Variants in CHRM3 observed in about 807,000 individuals in gnomAD.
CHRM3 encodes the protein cholinergic receptor muscarinic 3.
A neutral mutation model predicts 41.8 loss-of-function variants in CHRM3; 11 were observed. That is an observed-to-expected ratio of 0.26 (90% CI 0.17 to 0.44). The LOEUF is 0.44. Ranked by LOEUF, CHRM3 falls within the 20% of genes least tolerant of loss-of-function variation. The probability of loss-of-function intolerance (pLI) is 1.00; values close to 1 mark genes in which losing one functional copy is unlikely to be tolerated. For synonymous variants in CHRM3, 297 were observed against 301.4 expected, an observed-to-expected ratio of 0.99 and a Z score of 0.15; for missense variants, 571 against 745.4, an observed-to-expected ratio of 0.77 and a Z score of 2.72.
At chr1:239,683,660 G>A (rs1189757368) in intron 5 of CHRM3, among the ~76,000 whole-genome samples, 6 of 152,084 alleles carry the variant, frequency 3.9e-5, no homozygotes, top group East Asian at 1.9e-4. Flanking sequence ...GATAAAATTC[G>A]ACAGCATCTC....
In CHRM3 at chr1:239,908,045, C is replaced by A; in HGVS notation, c.594C>A (p.Val198=). The change falls in exon 7 of 7, where the codon GTC becomes GTA. Residue 198 remains valine (V), a synonymous_variant. Transcript: ENST00000676153. This position sits in a 1 kb window ranked among gnomAD's most constrained non-coding sequence, Gnocchi z 7.2. ...MIGLAWVISF[V]LWAPAILFWQ... ...GTCTGGCTTGGGTCATCTCCTTTGT[C>A]CTTTGGGCTCCTGCCATCTTGTTCT... 6.2e-7 allele frequency: 1 copy of A among 1,614,154 alleles called. No individual in the cohort carries two copies. The highest frequency in any genetic ancestry group is 8.5e-7 in the Non-Finnish European group (1 of 1,180,042).
In CHRM3 at chr1:239,734,700, T is replaced by A. The variant is rs151147779; in HGVS notation, c.-147+56412T>A. ...TGAGAATTTTTCTTATTTTTTAAGT[T>A]GGGATACTGGTATAGTGATTATACA... On this transcript the variant is annotated intron_variant, in intron 5 of 6. Coordinates refer to ENST00000676153, the MANE Select transcript of CHRM3 (RefSeq NM_001375978.1). Among the ~76,000 whole-genome samples the A allele has an allele frequency of 4.2e-3, 639 of 152,250 alleles. 3 individuals carry two copies. The highest frequency in any genetic ancestry group is 0.014 in the Middle Eastern group (4 of 294).
At chr1:239,791,293 C>T (rs1233097772) in intron 5 of CHRM3, among the ~76,000 whole-genome samples, 1 of 152,134 alleles carries the variant, frequency 6.6e-6, no homozygotes, top group Admixed American at 6.6e-5. Context: ...TTAGTAGAGA[C>T]AGGGTTTCAC....
chr1:239,884,128 A>C (rs1677871686), intron 6 of CHRM3, among the ~76,000 whole-genome samples: 1 of 152,248 alleles, frequency 6.6e-6, no homozygotes, highest in Admixed American at 6.5e-5. Flanking sequence ...ATACGACCAC[A>C]TTCTAATCTC....
chr1:239,813,043 G>A (rs532530195), intron 5 of CHRM3, among the ~76,000 whole-genome samples: 2 of 152,310 alleles, frequency 1.3e-5, no homozygotes, highest in East Asian at 3.9e-4. Context: ...ACTTTGGGAG[G>A]CCAAGGCAGG....
intron 5 of CHRM3, among the ~76,000 whole-genome samples, chr1:239,815,144 CTG>C (rs1462773276): frequency 6.6e-6 from 1 of 152,128 alleles, no homozygotes; most frequent in Non-Finnish European, 1.5e-5. Context: ...CAGTTTAGCA[CTG>C]TGTCATGTTA....
intron 6 of CHRM3, among the ~76,000 whole-genome samples, chr1:239,842,024 A>C (rs1030706416): frequency 6.6e-6 from 1 of 152,208 alleles, no homozygotes; most frequent in South Asian, 2.1e-4. Flanking sequence ...TCTGCTCCGC[A>C]TGATACTGAA....
chr1:239,513,482 C>A (rs993354590), intron 2 of CHRM3, among the ~76,000 whole-genome samples: 4 of 151,986 alleles, frequency 2.6e-5, no homozygotes, highest in African/African-American at 9.7e-5. Flanking sequence ...TATTTATTTT[C>A]TTATAGTTGA....
chr1:239,653,256 G>T (rs2148976999), intron 4 of CHRM3, among the ~76,000 whole-genome samples: 1 of 152,248 alleles, frequency 6.6e-6, no homozygotes, highest in Admixed American at 6.5e-5. Flanking sequence ...CTTCTTTCGG[G>T]ATTCTAGCTG....
intron 6 of CHRM3, among the ~76,000 whole-genome samples, chr1:239,894,334 C>T (rs1310928630): frequency 6.6e-6 from 1 of 152,216 alleles, no homozygotes; most frequent in Non-Finnish European, 1.5e-5. Context: ...CAAGTGGATG[C>T]CTTGTGGTGG....
chr1:239,766,180 A>G (rs898292728), intron 5 of CHRM3, among the ~76,000 whole-genome samples: 1 of 152,178 alleles, frequency 6.6e-6, no homozygotes, highest in African/African-American at 2.4e-5. Flanking sequence ...AAGAAATGGC[A>G]TGTCTAAATA....
intron 1 of CHRM3, among the ~76,000 whole-genome samples, chr1:239,459,233 G>A (rs554756163): frequency 1.5e-4 from 23 of 151,744 alleles, no homozygotes; most frequent in African/African-American, 5.3e-4. Context: ...GAAAAATCAA[G>A]TACCTATTTT....
intron 5 of CHRM3, among the ~76,000 whole-genome samples, chr1:239,713,068 G>A (rs1202048197): frequency 2.0e-5 from 3 of 152,078 alleles, no homozygotes; most frequent in East Asian, 1.9e-4. Context: ...CGCTAAGCCC[G>A]GGCACAATCT....
chr1:239,765,394 A>G (rs772608981), intron 5 of CHRM3, among the ~76,000 whole-genome samples: 3 of 152,212 alleles, frequency 2.0e-5, no homozygotes, highest in Non-Finnish European at 2.9e-5. Flanking sequence ...GTTCAGGGTC[A>G]GGCCCGGTTA....
intron 5 of CHRM3, among the ~76,000 whole-genome samples, chr1:239,751,799 G>A (rs1340526894): frequency 5.3e-5 from 8 of 152,114 alleles, no homozygotes; most frequent in African/African-American, 9.7e-5. Flanking sequence ...GATAAGATTC[G>A]TGGTGAATAA....
chr1:239,411,472 A>G (rs930301219), intron 1 of CHRM3, among the ~76,000 whole-genome samples: 3 of 152,118 alleles, frequency 2.0e-5, no homozygotes, highest in African/African-American at 7.2e-5. Flanking sequence ...CATGCCTGTA[A>G]TCCCAGCACT....
At chr1:239,672,525 A>T (rs1455886635) in intron 4 of CHRM3, among the ~76,000 whole-genome samples, 1 of 152,042 alleles carries the variant, frequency 6.6e-6, no homozygotes, top group Non-Finnish European at 1.5e-5. Context: ...ATCAGAGAAG[A>T]TAATCAAATT....
chr1:239,715,337 G>A (rs1225334708), intron 5 of CHRM3, among the ~76,000 whole-genome samples: 1 of 152,086 alleles, frequency 6.6e-6, no homozygotes, highest in African/African-American at 2.4e-5. Flanking sequence ...TTTTGTCAAT[G>A]ATTTTATTTG....
rs1440800412 is a variant in CHRM3, at chr1:239,909,965, A to G, written c.*741A>G. ...ACTTTGGTAACTGAAGTTCTCTAGGATCCTAATGCAACATTAACGTGAAAT... is the reference window on the plus strand; with the variant it reads ...ACTTTGGTAACTGAAGTTCTCTAGGGTCCTAATGCAACATTAACGTGAAAT... On this transcript the variant is annotated 3_prime_UTR_variant, in exon 7 of 7. Transcript: ENST00000676153. The G allele has an allele frequency of 1.2e-5, 2 of 166,988 alleles. No homozygotes were observed. Among genetic ancestry groups the G allele is most frequent in the Non-Finnish European group, 2.9e-5 (2 of 68,126 alleles). 10.3% of individuals were successfully genotyped at this position (166,988 alleles called of 1,614,324 possible). A position where few individuals can be genotyped will look rare whatever the true frequency, so the allele number is the denominator to read the frequency against.
Sources: allele counts gnomAD v4.1 joint callset (sites outside exome capture counted in the v4.1 genomes callset), GRCh38; gene constraint gnomAD v4.1.1; non-coding constraint Gnocchi (gnomAD v3.1); transcripts MANE v1.5; gene names NCBI Gene and HGNC (gene_info 2026-07-23, HGNC 2026-07-21).